The following EYA4 variants were observed in gnomAD, a reference collection of about 807,000 sequenced individuals.
The protein encoded by EYA4 is EYA transcriptional coactivator and phosphatase 4.
EYA4 carries 31 observed loss-of-function variants against 87.9 expected under a neutral mutation model. The observed-to-expected ratio is 0.35, with a 90% CI of 0.27 to 0.48. The LOEUF (loss-of-function observed/expected upper bound fraction) is 0.48. Among genes scored for constraint, EYA4 ranks in the 20% least tolerant of loss-of-function variants. EYA4 has a pLI of 0.99. For missense variants in EYA4, 678 were observed against 761.4 expected, an observed-to-expected ratio of 0.89 and a Z score of 1.29; for synonymous variants, 263 against 270.6, an observed-to-expected ratio of 0.97 and a Z score of 0.28.
rs557706871 is a variant in EYA4 at position 133,433,336 on chromosome 6, T to C, written c.84-13294T>C. On this transcript the variant is annotated intron_variant, in intron 3 of 19. Transcript: ENST00000355286. ...AGACATGCATTACACTTAGAACACA[T>C]AGAATTCAGCCAAGCGCATGCCAGA... Among the ~76,000 whole-genome samples the C allele has an allele frequency of 4.6e-5, 7 of 152,254 alleles. No homozygotes were observed. The South Asian group carries it at 1.5e-3, about 32-fold the overall frequency.
In EYA4 at chr6:133,491,673, C is replaced by A. The variant is rs1419803230; in HGVS notation, c.1191+8558C>A. 6.1e-4 allele frequency among the ~76,000 whole-genome samples: 92 copies of A among 152,000 alleles called. 2 individuals are homozygous for A. Among genetic ancestry groups the A allele is most frequent in the Admixed American group, 6.0e-3 (92 of 15,256 alleles). Reference sequence around the variant, plus strand: ...TGCAATAAAAAGTACCCCAGCAGGCCCGGCGCAGTGGGTTATGCCTGTAAT... The same window carrying A: ...TGCAATAAAAAGTACCCCAGCAGGCACGGCGCAGTGGGTTATGCCTGTAAT... On this transcript the variant is annotated intron_variant, in intron 13 of 19. Coordinates refer to ENST00000355286, the MANE Select transcript of EYA4 (RefSeq NM_004100.5).
chr6:133,251,472 G>GA (rs1307037253), intron 1 of EYA4, among the ~76,000 whole-genome samples: 2 of 152,064 alleles, frequency 1.3e-5, no homozygotes, highest in Non-Finnish European at 2.9e-5. Context: ...GGGGCTGAAG[G>GA]AAAAAGGAAA....
At chr6:133,296,329 C>T (rs938951545) in intron 2 of EYA4, among the ~76,000 whole-genome samples, 3 of 152,192 alleles carry the variant, frequency 2.0e-5, no homozygotes, top group African/African-American at 7.2e-5. Context: ...AGGGAGACGT[C>T]AAGTCACTGG....
intron 2 of EYA4, among the ~76,000 whole-genome samples, chr6:133,290,771 A>C (rs958493626): frequency 5.3e-5 from 8 of 152,184 alleles, no homozygotes; most frequent in African/African-American, 1.9e-4. Flanking sequence ...GAAAGGGTTT[A>C]AGCAGAGTGA....
At chr6:133,284,909 A>G (rs1777909675) in intron 2 of EYA4, among the ~76,000 whole-genome samples, 1 of 152,170 alleles carries the variant, frequency 6.6e-6, no homozygotes, top group Admixed American at 6.5e-5. Context: ...TGCAAGGAGA[A>G]AAACCAAATA....
chr6:133,513,612 A>G (rs1799347607), intron 16 of EYA4, among the ~76,000 whole-genome samples: 1 of 152,212 alleles, frequency 6.6e-6, no homozygotes, highest in African/African-American at 2.4e-5. Context: ...TGTAGGTAAT[A>G]TCAAAACCAT....
intron 2 of EYA4, among the ~76,000 whole-genome samples, chr6:133,276,608 C>G (rs1182393535): frequency 1.3e-5 from 2 of 152,124 alleles, no homozygotes; most frequent in Admixed American, 6.5e-5. Context: ...TCCAGTGATG[C>G]TAGTGAGCAG....
At chr6:133,317,642 G>A (rs868367965) in intron 2 of EYA4, among the ~76,000 whole-genome samples, 1 of 152,062 alleles carries the variant, frequency 6.6e-6, no homozygotes, top group African/African-American at 2.4e-5. Flanking sequence ...GAGTAAAATT[G>A]TTATTAAGTG....
chr6:133,388,404 C>CT (rs1391787374), intron 3 of EYA4, among the ~76,000 whole-genome samples: 6 of 91,946 alleles, frequency 6.5e-5, no homozygotes, highest in Admixed American at 1.9e-4. Context: ...GAGACTCGGT[C>CT]TCAAAAAAAA....
chr6:133,246,689 AT>A (rs1049422191), intron 1 of EYA4, among the ~76,000 whole-genome samples: 2 of 152,168 alleles, frequency 1.3e-5, no homozygotes, highest in African/African-American at 4.8e-5. Context: ...GATAATTACA[AT>A]TTGGCTGTCA....
chr6:133,401,697 C>T (rs145193713), intron 3 of EYA4, among the ~76,000 whole-genome samples: 17 of 152,198 alleles, frequency 1.1e-4, no homozygotes, highest in Non-Finnish European at 1.3e-4. Flanking sequence ...TTCTTGATGA[C>T]TAAATTAGAT....
intron 3 of EYA4, chr6:133,439,252 ATCT>A (rs1792032408): frequency 6.6e-6 from 1 of 151,820 alleles, no homozygotes; most frequent in African/African-American, 2.4e-5. Context: ...TGATTGGCAA[ATCT>A]TCTGATTCCT....
chr6:133,243,942 A>G (rs1427134231), intron 1 of EYA4, among the ~76,000 whole-genome samples: 2 of 152,196 alleles, frequency 1.3e-5, no homozygotes, highest in Non-Finnish European at 2.9e-5. Flanking sequence ...ACCCACATTT[A>G]TTGTTATAAA....
chr6:133,513,066 A>G, intron 16 of EYA4, 28 bp downstream of exon 16: 1 of 1,599,500 alleles, frequency 6.3e-7, no homozygotes, highest in Non-Finnish European at 8.6e-7. Context: ...AATCTAACAA[A>G]GGTACTCTGG....
intron 13 of EYA4, among the ~76,000 whole-genome samples, chr6:133,486,311 G>A (rs1298965485): frequency 6.6e-6 from 1 of 151,176 alleles, no homozygotes; most frequent in Non-Finnish European, 1.5e-5. Context: ...ATAATATCTT[G>A]GCATATTGAG....
intron 14 of EYA4, among the ~76,000 whole-genome samples, chr6:133,509,600 T>A (rs1032414035): frequency 3.9e-5 from 6 of 152,088 alleles, no homozygotes; most frequent in African/African-American, 1.4e-4. Context: ...CAGAAGAGAA[T>A]CCTGTGTGTT....
chr6:133,294,853 T>C (rs1318845583), intron 2 of EYA4, among the ~76,000 whole-genome samples: 2 of 152,152 alleles, frequency 1.3e-5, no homozygotes, highest in Non-Finnish European at 2.9e-5. Flanking sequence ...AGTGCTGGGA[T>C]TACAGGTGCA....
At chr6:133,420,210 T>C (rs1790098334) in intron 3 of EYA4, among the ~76,000 whole-genome samples, 1 of 152,012 alleles carries the variant, frequency 6.6e-6, no homozygotes, top group Admixed American at 6.6e-5. Context: ...TATGCATTCA[T>C]ATTCACTATT....
At chr6:133,362,216 T>C (rs1784500641) in intron 2 of EYA4, among the ~76,000 whole-genome samples, 1 of 152,126 alleles carries the variant, frequency 6.6e-6, no homozygotes, top group Non-Finnish European at 1.5e-5. Context: ...TTAGATTCAC[T>C]AGGAGACTTA....
Sources: gnomAD v4.1 joint callset for allele counts (sites outside exome capture counted in the v4.1 genomes callset) on GRCh38, gnomAD v4.1.1 for gene constraint, MANE v1.5 for transcripts, NCBI Gene and HGNC (gene_info 2026-07-23, HGNC 2026-07-21) for gene names.